Variants in ACTN4 observed in about 807,000 individuals in gnomAD.
The protein encoded by ACTN4 is actinin alpha 4.
ACTN4 carries 18 observed loss-of-function variants against 114.2 expected under a neutral mutation model. That is an observed-to-expected ratio of 0.16 (90% CI 0.11 to 0.23). The LOEUF (loss-of-function observed/expected upper bound fraction) is 0.23. Ranked by LOEUF, ACTN4 falls within the 10% of genes least tolerant of loss-of-function variation. ACTN4 has a pLI of 1.00. For missense variants in ACTN4, 722 were observed against 1,262.9 expected, an observed-to-expected ratio of 0.57 and a Z score of 6.49; for synonymous variants, 515 against 506.3, an observed-to-expected ratio of 1.02 and a Z score of -0.23.
chr19:38,678,355 A>G (rs1967444074), intron 1 of ACTN4, among the ~76,000 whole-genome samples: 2 of 152,218 alleles, frequency 1.3e-5, no homozygotes, highest in South Asian at 4.1e-4. Flanking sequence ...AGGGATAGCT[A>G]AAGACCTAAG....
At chr19:38,719,205 G>T (rs1968950004) in intron 11 of ACTN4, among the ~76,000 whole-genome samples, 1 of 152,184 alleles carries the variant, frequency 6.6e-6, no homozygotes, top group African/African-American at 2.4e-5. Context: ...AGCTGCCAGT[G>T]CCTGGGAGAG....
At chr19:38,673,490 T>C (rs1458512471) in intron 1 of ACTN4, among the ~76,000 whole-genome samples, 20 of 106,032 alleles carry the variant, frequency 1.9e-4, no homozygotes, top group South Asian at 5.3e-4. Flanking sequence ...TATATATTCA[T>C]ATATATTTAT....
rs1380286919 is a variant in ACTN4 at position 38,717,353 on chromosome 19, G to T, written c.1143+37G>T. 1 of 1,603,412 alleles carries T rather than the reference G, an allele frequency of 6.2e-7. No individual in the cohort carries two copies. Among genetic ancestry groups the T allele is most frequent in the Non-Finnish European group, 8.5e-7 (1 of 1,175,684 alleles). On this transcript the variant is annotated intron_variant, in intron 10 of 20. Coordinates refer to ENST00000252699, the MANE Select transcript of ACTN4 (RefSeq NM_004924.6). This position sits in a 1 kb window ranked among gnomAD's most constrained non-coding sequence, Gnocchi z 4.0. ...GATTCACATGGGAGCAGCTGTGAGG[G>T]GCAGAGGCAGCCCTAGAACTGCCTG...
At position 38,729,101 on chromosome 19, in the gene ACTN4, A is replaced by G; in HGVS notation, c.2524A>G (p.Thr842Ala). 1.2e-6 allele frequency: 2 copies of G among 1,613,438 alleles called. No homozygotes were observed. Among genetic ancestry groups the G allele is most frequent in the Non-Finnish European group, 1.7e-6 (2 of 1,180,018 alleles). Residue 842 changes from threonine (T) to alanine (A), a missense_variant, in exon 20 of 21, where the codon ACG becomes GCG. This residue lies in a region of ACTN4 where 523 missense variants were observed against 875.9 expected (regional missense o/e 0.60). Coordinates refer to ENST00000252699, the MANE Select transcript of ACTN4 (RefSeq NM_004924.6). ...CTTCATGTCGCGGGAGACCACCGAC[A>G]CGGACACGGCTGACCAGGTCATCGC... is the stretch of plus-strand genomic sequence containing the variant. Reference protein sequence around the residue: ...IDFMSRETTDTDTADQVIASF... With the variant: ...IDFMSRETTDADTADQVIASF...
At chr19:38,714,431 C>T (rs766470654) in intron 8 of ACTN4, 38 bp from the exon 9 acceptor site, 1 of 1,604,828 alleles carries the variant, frequency 6.2e-7, no homozygotes, top group Non-Finnish European at 8.5e-7. Context: ...GGAGGGTGGC[C>T]AGCCCCCAGG....
chr19:38,680,729 G>A (rs940445024), intron 1 of ACTN4, among the ~76,000 whole-genome samples: 2 of 152,116 alleles, frequency 1.3e-5, no homozygotes, highest in African/African-American at 4.8e-5. Context: ...CAGGCACCAA[G>A]TTTGATTTCT....
In ACTN4 at chr19:38,673,475, TTA is replaced by T. The variant is rs555078817; in HGVS notation, c.162+25578_162+25579del. 9.3e-3 allele frequency among the ~76,000 whole-genome samples: 601 copies of T among 64,280 alleles called. 43 individuals carry two copies. In the East Asian group the frequency reaches 0.19, roughly 20 times the overall value. The allele number at this position is 64,280 out of a possible 152,430, so 42.2% of individuals were successfully genotyped here. On this transcript the variant is annotated intron_variant, in intron 1 of 20. Transcript: ENST00000252699. ...TATATTCATATATATTTATATATAT[TTA>T]TATATATATTCATATATATTTATAT...
At chr19:38,718,823 CTG>C (rs1261806382) in intron 11 of ACTN4, among the ~76,000 whole-genome samples, 3 of 152,238 alleles carry the variant, frequency 2.0e-5, no homozygotes, top group Non-Finnish European at 2.9e-5. Flanking sequence ...TCCCACACCT[CTG>C]TGAGCGTGGA....
At chr19:38,685,007 G>A (rs1010551259) in intron 1 of ACTN4, among the ~76,000 whole-genome samples, 7 of 152,074 alleles carry the variant, frequency 4.6e-5, no homozygotes, top group Admixed American at 6.6e-5. Context: ...AGGCAGTGGC[G>A]TGATCTCAGC....
intron 8 of ACTN4, among the ~76,000 whole-genome samples, chr19:38,711,979 C>G (rs902482071): frequency 7.9e-5 from 12 of 152,368 alleles, no homozygotes; most frequent in South Asian, 2.1e-4. Context: ...CTGCTCCCCC[C>G]GCTTGCCTTG....
intron 8 of ACTN4, chr19:38,711,178 C>A: frequency 4.0e-6 from 2 of 499,022 alleles, no homozygotes; most frequent in Non-Finnish European, 5.2e-6. Flanking sequence ...AGAGCAAGTG[C>A]TCTTCCTCCT....
At chr19:38,654,451 A>G (rs2144827272) in intron 1 of ACTN4, among the ~76,000 whole-genome samples, 1 of 151,974 alleles carries the variant, frequency 6.6e-6, no homozygotes, top group Admixed American at 6.6e-5. Context: ...AATCCCAGCT[A>G]CTGGGGAGGC....
At chr19:38,705,694 GCA>G (rs1326443487) in intron 4 of ACTN4, among the ~76,000 whole-genome samples, 1 of 152,264 alleles carries the variant, frequency 6.6e-6, no homozygotes, top group Non-Finnish European at 1.5e-5. Flanking sequence ...GGGCCTGTCT[GCA>G]GTGTGTTCTG....
intron 1 of ACTN4, among the ~76,000 whole-genome samples, chr19:38,673,282 T>C (rs1967190665): frequency 6.6e-6 from 1 of 151,140 alleles, no homozygotes; most frequent in Non-Finnish European, 1.5e-5. Flanking sequence ...ACCCACTATG[T>C]GCCGTAAACA....
chr19:38,708,495 G>T (rs1436212191), intron 6 of ACTN4, among the ~76,000 whole-genome samples: 1 of 152,156 alleles, frequency 6.6e-6, no homozygotes, highest in Non-Finnish European at 1.5e-5. Context: ...CAATCTTCTG[G>T]ATTCTAGAAC....
chr19:38,708,499 C>T (rs1285763743), intron 6 of ACTN4, among the ~76,000 whole-genome samples: 1 of 152,226 alleles, frequency 6.6e-6, no homozygotes, highest in Non-Finnish European at 1.5e-5. Flanking sequence ...CTTCTGGATT[C>T]TAGAACCTCC....
intron 19 of ACTN4, chr19:38,728,377 G>A: frequency 2.2e-6 from 3 of 1,389,756 alleles, no homozygotes; most frequent in Non-Finnish European, 2.9e-6. Flanking sequence ...ACAGGATACA[G>A]CCTGGTATGC....
chr19:38,672,255 T>G (rs1299944953), intron 1 of ACTN4, among the ~76,000 whole-genome samples: 1 of 150,226 alleles, frequency 6.7e-6, no homozygotes, highest in Admixed American at 6.6e-5. Flanking sequence ...TTTTTTTTTT[T>G]TTTGAGACGG....
intron 1 of ACTN4, among the ~76,000 whole-genome samples, chr19:38,692,387 T>C (rs1166921524): frequency 1.3e-5 from 2 of 152,238 alleles, no homozygotes; most frequent in Non-Finnish European, 2.9e-5. Flanking sequence ...GCTGTGTTAT[T>C]GTGACCTGCT....
Sources: gnomAD v4.1 joint callset for allele counts (sites outside exome capture counted in the v4.1 genomes callset) on GRCh38, gnomAD v4.1.1 for gene constraint, gnomAD v4.1.1 regional missense constraint, Gnocchi (gnomAD v3.1) non-coding constraint, MANE v1.5 for transcripts, NCBI Gene and HGNC (gene_info 2026-07-23, HGNC 2026-07-21) for gene names.